KDM4C: variants seen among roughly 807,000 people sequenced by gnomAD.
KDM4C encodes lysine demethylase 4C.
In KDM4C, 81 loss-of-function variants were observed where a neutral mutation model predicts 129.3. That is an observed-to-expected ratio of 0.63 (90% CI 0.52 to 0.75). The LOEUF is 0.75. Ranked by LOEUF, KDM4C falls within the 30% of genes least tolerant of loss-of-function variation. The probability of loss-of-function intolerance (pLI) is 0.00; values close to 1 mark genes in which losing one functional copy is unlikely to be tolerated. For synonymous variants in KDM4C, 573 were observed against 456.1 expected, an observed-to-expected ratio of 1.26 and a Z score of -3.26; for missense variants, 1,457 against 1,304.0, an observed-to-expected ratio of 1.12 and a Z score of -1.81.
At chr9:7,038,800 TG>T (rs1180466537) in intron 15 of KDM4C, among the ~76,000 whole-genome samples, 7 of 152,072 alleles carry the variant, frequency 4.6e-5, no homozygotes, top group Non-Finnish European at 8.8e-5. Flanking sequence ...AGATATATTC[TG>T]ATTTAAAATG....
intron 1 of KDM4C, among the ~76,000 whole-genome samples, chr9:6,742,749 T>C (rs977622190): frequency 1.3e-5 from 2 of 151,420 alleles, no homozygotes; most frequent in Admixed American, 1.3e-4. Flanking sequence ...GATCTAAGAA[T>C]CGCTTGAACC....
intron 18 of KDM4C, among the ~76,000 whole-genome samples, chr9:7,104,790 T>C (rs1350598595): frequency 6.6e-6 from 1 of 152,228 alleles, no homozygotes; most frequent in Non-Finnish European, 1.5e-5. Context: ...GCTTCTCCTA[T>C]GTCCCTAATA....
At position 6,742,041 on chromosome 9, in the gene KDM4C, C is replaced by T. The variant is rs565761731; in HGVS notation, c.49+21044C>T. Among the ~76,000 whole-genome samples, 435 of 151,716 alleles carry T rather than the reference C, an allele frequency of 2.9e-3. 5 individuals carry two copies. The highest frequency in any genetic ancestry group is 1.3e-3 in the Non-Finnish European group (86 of 67,954). ...AGGCTGAAGTGCAGTGGAGTGATCT[C>T]GGCTCACTGCAACCTCCACCTCCCG... On this transcript the variant is annotated intron_variant, in intron 1 of 17. Coordinates refer to the KDM4C transcript ENST00000536108.
At chr9:6,977,564 G>A (rs553052767) in intron 8 of KDM4C, among the ~76,000 whole-genome samples, 160 of 152,166 alleles carry the variant, frequency 1.1e-3, no homozygotes, top group African/African-American at 3.7e-3. Context: ...CACATAAGTC[G>A]AACCCCTGCC....
chr9:6,929,363 C>T (rs1202033501), intron 8 of KDM4C, among the ~76,000 whole-genome samples: 2 of 152,080 alleles, frequency 1.3e-5, no homozygotes. Context: ...TGTCATTCCT[C>T]TTTTAATTGT....
chr9:7,151,479 G>T (rs1481601397), intron 19 of KDM4C, among the ~76,000 whole-genome samples: 1 of 152,058 alleles, frequency 6.6e-6, no homozygotes, highest in African/African-American at 2.4e-5. Flanking sequence ...GCCCAGCTAT[G>T]TTGCTGGGCA....
At chr9:6,939,970 C>CTACG in intron 8 of KDM4C, among the ~76,000 whole-genome samples, 1 of 137,424 alleles carries the variant, frequency 7.3e-6, no homozygotes. Context: ...ACCTACCTAC[C>CTACG]TACCTACCTT....
chr9:7,044,946 C>T (rs370570825), intron 15 of KDM4C, among the ~76,000 whole-genome samples: 1 of 151,936 alleles, frequency 6.6e-6, no homozygotes, highest in African/African-American at 2.4e-5. Context: ...GGGAGAAAAT[C>T]TTTCAGGAAG....
chr9:6,829,896 T>C (rs1446733232), intron 4 of KDM4C, among the ~76,000 whole-genome samples: 3 of 152,238 alleles, frequency 2.0e-5, no homozygotes, highest in Admixed American at 6.5e-5. Flanking sequence ...CTAGATTTCA[T>C]CTTTATTATA....
chr9:6,840,811 A>G (rs1438578663), intron 4 of KDM4C, among the ~76,000 whole-genome samples: 1 of 152,172 alleles, frequency 6.6e-6, no homozygotes, highest in African/African-American at 2.4e-5. Flanking sequence ...GGGTTATCCC[A>G]CCTCTTGTTT....
chr9:6,829,942 G>A (rs7027170), intron 4 of KDM4C, among the ~76,000 whole-genome samples: 87,698 of 151,908 alleles, frequency 0.58, 26,218 homozygotes, highest in African/African-American at 0.75. Context: ...TTTTTTTTCT[G>A]GGGTGAATTT....
In KDM4C at chr9:7,011,757, C is replaced by T. The variant is rs369694294; in HGVS notation, c.1846C>T (p.Pro616Ser). 1.2e-6 allele frequency: 2 copies of T among 1,614,026 alleles called. No individual in the cohort carries two copies. Among genetic ancestry groups the T allele is most frequent in the East Asian group, 2.2e-5 (1 of 44,892 alleles). Reference sequence around the variant, plus strand: ...GGAAGAAACAGAGTCTTGGGCGAAACCTCTCATCCACCTTTGGCAGACGAA... The same window carrying T: ...GGAAGAAACAGAGTCTTGGGCGAAATCTCTCATCCACCTTTGGCAGACGAA... ...EVEETESWAKPLIHLWQTKSP... is the reference protein window; with the variant it reads ...EVEETESWAKSLIHLWQTKSP... The change falls in exon 13 of 22, where the codon CCT becomes TCT. Residue 616 changes from proline (P) to serine (S), a missense_variant. Coordinates refer to ENST00000381309, the MANE Select transcript of KDM4C (RefSeq NM_015061.6).
chr9:6,961,560 A>G (rs1165408998), intron 8 of KDM4C, among the ~76,000 whole-genome samples: 5 of 152,234 alleles, frequency 3.3e-5, no homozygotes, highest in Admixed American at 2.0e-4. Context: ...TATACATAGC[A>G]TAATTCATTA....
chr9:7,052,863 C>CACAGAG (rs1554718476), intron 17 of KDM4C, among the ~76,000 whole-genome samples: 3 of 41,074 alleles, frequency 7.3e-5, no homozygotes, highest in African/African-American at 2.5e-4. Context: ...GCCACACCTG[C>CACAGAG]AGAGAGAGAG....
intron 4 of KDM4C, among the ~76,000 whole-genome samples, chr9:6,821,506 G>A (rs1188126464): frequency 6.6e-6 from 1 of 152,142 alleles, no homozygotes; most frequent in East Asian, 1.9e-4. Flanking sequence ...TCTGTTGGCT[G>A]CATAGATGTC....
At chr9:6,819,462 G>C (rs11999341) in intron 4 of KDM4C, among the ~76,000 whole-genome samples, 4,268 of 152,268 alleles carry the variant, frequency 0.028, 193 homozygotes, top group African/African-American at 0.097. Context: ...AGCTGGGAAT[G>C]TATCATTTTG....
At chr9:6,805,555 G>C in intron 2 of KDM4C, 44 bp from the exon 3 acceptor site, 1 of 1,392,212 alleles carries the variant, frequency 7.2e-7, no homozygotes, top group Non-Finnish European at 9.8e-7. Flanking sequence ...AAATTACTTG[G>C]AGTATTTTCA....
chr9:6,984,141 T>C (rs769637394), intron 9 of KDM4C, 25 bp from the exon 10 acceptor site: 1 of 1,504,276 alleles, frequency 6.6e-7, no homozygotes, highest in Admixed American at 1.7e-5. Context: ...CATCCCGCTC[T>C]GACCACTGCT....
chr9:6,834,501 A>C (rs1463472501), intron 4 of KDM4C: 1 of 642,346 alleles, frequency 1.6e-6, no homozygotes, highest in Non-Finnish European at 2.9e-6. Context: ...CGGCTCCGGC[A>C]TGTGGAAGGC....
Sources: gnomAD v4.1 joint callset for allele counts (sites outside exome capture counted in the v4.1 genomes callset) on GRCh38, gnomAD v4.1.1 for gene constraint, MANE v1.5 for transcripts, NCBI Gene and HGNC (gene_info 2026-07-23, HGNC 2026-07-21) for gene names.